DMD: variants seen among roughly 807,000 people sequenced by gnomAD.
DMD encodes dystrophin.
In DMD, 63 loss-of-function variants were observed where a neutral mutation model predicts 330.1. The ratio of observed to expected loss-of-function variants is 0.19; its 90% CI spans 0.16 to 0.24. DMD has a LOEUF of 0.24. Among genes scored for constraint, DMD ranks in the 10% least tolerant of loss-of-function variants. The pLI is 1.00. For synonymous variants in DMD, 1,223 were observed against 959.8 expected (o/e 1.27, Z -5.07); for missense variants, 3,344 against 2,684.1 (o/e 1.25, Z -5.43).
At chrX:33,099,284 G>C (rs762226686) in intron 1 of DMD, among the ~76,000 whole-genome samples, 1 of 110,668 alleles carries the variant, frequency 9.0e-6, no homozygotes, top group Non-Finnish European at 1.9e-5. Context: ...CTTGTTGGGC[G>C]GTCTCTCCTC....
intron 7 of DMD, among the ~76,000 whole-genome samples, chrX:32,706,822 G>T (rs1430893096): frequency 9.0e-6 from 1 of 111,679 alleles, no homozygotes; most frequent in Non-Finnish European, 1.9e-5. Flanking sequence ...TGGGCATGGT[G>T]GCTCATGCCT....
intron 62 of DMD, among the ~76,000 whole-genome samples, chrX:31,315,874 A>G (rs994227909): frequency 8.9e-5 from 10 of 112,232 alleles, no homozygotes; most frequent in Non-Finnish European, 1.5e-4. Flanking sequence ...CCTGTCCACA[A>G]TGCTCAGTGA....
intron 64 of DMD, among the ~76,000 whole-genome samples, chrX:31,210,657 T>C (rs149833998): frequency 2.3e-3 from 256 of 112,220 alleles, no homozygotes; most frequent in Non-Finnish European, 3.7e-3. Context: ...CAATGCTAAT[T>C]AAGTAAATCT....
intron 1 of DMD, among the ~76,000 whole-genome samples, chrX:33,051,924 C>A (rs2094462961): frequency 9.0e-6 from 1 of 110,997 alleles, no homozygotes; most frequent in African/African-American, 3.3e-5. Context: ...GCTGGGATTA[C>A]AAGTGTGAGT....
At chrX:32,467,903 C>T (rs957865066) in intron 23 of DMD, among the ~76,000 whole-genome samples, 3 of 109,729 alleles carry the variant, frequency 2.7e-5, no homozygotes, top group Non-Finnish European at 5.7e-5. Flanking sequence ...CATTAATACA[C>T]CTACATTTCT....
intron 44 of DMD, among the ~76,000 whole-genome samples, chrX:32,058,786 ATATCTGCATTCCCATGTT>A (rs1223207816): frequency 1.9e-4 from 21 of 111,537 alleles, no homozygotes; most frequent in African/African-American, 6.8e-4. Flanking sequence ...TCTTGAAGAG[ATATCTGCATTCCCATGTT>A]TATTGTAGCA....
intron 33 of DMD, among the ~76,000 whole-genome samples, chrX:32,381,400 T>C (rs1241524355): frequency 8.9e-6 from 1 of 111,781 alleles, no homozygotes; most frequent in African/African-American, 3.2e-5. Context: ...TATTCTCACA[T>C]AAGAAATGAA....
chrX:31,457,400 T>C (rs928711839), intron 59 of DMD, among the ~76,000 whole-genome samples: 1 of 111,845 alleles, frequency 8.9e-6, no homozygotes, highest in Non-Finnish European at 1.9e-5. Flanking sequence ...TGCCAGGGAA[T>C]GTTCTAGGCA....
intron 1 of DMD, chrX:33,339,222 T>C (rs775584362): frequency 9.7e-7 from 1 of 1,026,008 alleles, no homozygotes; most frequent in Non-Finnish European, 1.3e-6. Flanking sequence ...AGCTTCTAAT[T>C]GTATTTGTAA....
intron 43 of DMD, among the ~76,000 whole-genome samples, chrX:32,234,452 C>T (rs892297953): frequency 3.6e-5 from 4 of 111,171 alleles, no homozygotes; most frequent in African/African-American, 1.3e-4. Flanking sequence ...ACAATGGAGT[C>T]ATCCAAGGAT....
chrX:31,158,948 C>A (rs1299810013), intron 74 of DMD, among the ~76,000 whole-genome samples: 1 of 111,608 alleles, frequency 9.0e-6, no homozygotes, highest in Non-Finnish European at 1.9e-5. Flanking sequence ...TGGTTTCAGT[C>A]TAATGGAAAA....
chrX:33,070,824 A>G (rs2094744134), intron 1 of DMD, among the ~76,000 whole-genome samples: 1 of 107,555 alleles, frequency 9.3e-6, no homozygotes, highest in Non-Finnish European at 1.9e-5. Flanking sequence ...GATGGCGAAT[A>G]TTGACAAGGG....
intron 1 of DMD, among the ~76,000 whole-genome samples, chrX:33,034,797 C>T (rs1357869216): frequency 8.9e-6 from 1 of 112,017 alleles, no homozygotes; most frequent in Non-Finnish European, 1.9e-5. Flanking sequence ...AATTTATTTA[C>T]ATAACTTTTC....
chrX:32,519,210 T>A (rs528530941), intron 17 of DMD, among the ~76,000 whole-genome samples: 1 of 89,130 alleles, frequency 1.1e-5, no homozygotes, highest in Non-Finnish European at 2.2e-5. Flanking sequence ...TTAAGTGAAA[T>A]AAGCCAGGTG....
intron 1 of DMD, among the ~76,000 whole-genome samples, chrX:33,059,006 T>G (rs1050130634): frequency 2.7e-5 from 3 of 112,119 alleles, no homozygotes; most frequent in African/African-American, 9.7e-5. Context: ...AATATTTTTC[T>G]CCCAGTCCAT....
intron 55 of DMD, among the ~76,000 whole-genome samples, chrX:31,604,225 C>G (rs1303997902): frequency 3.6e-5 from 4 of 112,282 alleles, no homozygotes; most frequent in African/African-American, 6.5e-5. Context: ...CAAATAATTT[C>G]TTAACATCAA....
intron 21 of DMD, among the ~76,000 whole-genome samples, chrX:32,483,883 T>A (rs768163771): frequency 9.3e-6 from 1 of 108,040 alleles, no homozygotes; most frequent in Non-Finnish European, 1.9e-5. Flanking sequence ...TTCATTTTTG[T>A]AAAAAATGAA....
At chrX:31,600,004 C>T (rs1173401094) in intron 55 of DMD, among the ~76,000 whole-genome samples, 1 of 111,249 alleles carries the variant, frequency 9.0e-6, no homozygotes, top group Non-Finnish European at 1.9e-5. Flanking sequence ...CATTATGGCT[C>T]ACTGCAGCCT....
chrX:32,098,833 T>C (rs988716119), intron 44 of DMD, among the ~76,000 whole-genome samples: 14 of 112,316 alleles, frequency 1.2e-4, no homozygotes, highest in African/African-American at 4.5e-4. Context: ...GTTTGTTTCA[T>C]CTCTTCATTT....
Sources: allele counts gnomAD v4.1 joint callset (sites outside exome capture counted in the v4.1 genomes callset), GRCh38; gene constraint gnomAD v4.1.1; transcripts MANE v1.5; gene names NCBI Gene and HGNC (gene_info 2026-07-23, HGNC 2026-07-21).